Variants in MED13L observed in about 807,000 individuals in gnomAD.
MED13L encodes mediator complex subunit 13L.
Under a neutral mutation model 220.9 loss-of-function variants are expected in MED13L, and 7 were observed. The ratio of observed to expected loss-of-function variants is 0.03; its 90% CI spans 0.02 to 0.06. The LOEUF (loss-of-function observed/expected upper bound fraction) is 0.06, where lower values mean the gene tolerates loss of function less well. Ranked by LOEUF, MED13L falls within the 10% of genes least tolerant of loss-of-function variation. The pLI is 1.00. For synonymous variants in MED13L, 1,011 were observed against 1,015.2 expected (o/e 1.00, Z 0.08); for missense variants, 1,965 against 2,760.5 (o/e 0.71, Z 6.46).
At chr12:116,246,341 C>T (rs1871096159) in intron 1 of MED13L, among the ~76,000 whole-genome samples, 1 of 151,820 alleles carries the variant, frequency 6.6e-6, no homozygotes, top group African/African-American at 2.4e-5. Context: ...AAAATCATAA[C>T]GAATGATGAC....
At position 116,007,645 on chromosome 12, in the gene MED13L, C is replaced by CATA; in HGVS notation, c.2013-10_2013-9insTAT. ...TAGGTTGTGCTAAGAGTCTAAAAGA[C>CATA]AAAAAAAAAAAAAAAAAAAAGAGCA... On this transcript the variant is annotated splice_polypyrimidine_tract_variant and intron_variant, in intron 10 of 30. Transcript: ENST00000281928. 1.3e-6 allele frequency: 1 copy of CATA among 754,814 alleles called. No individual in the cohort carries two copies. The highest frequency in any genetic ancestry group is 2.4e-5 in the South Asian group (1 of 41,346). 46.8% of individuals were successfully genotyped at this position (754,814 alleles called of 1,614,324 possible).
chr12:116,152,093 A>C (rs1468704504), intron 2 of MED13L, among the ~76,000 whole-genome samples: 2 of 152,128 alleles, frequency 1.3e-5, no homozygotes, highest in Admixed American at 1.3e-4. Context: ...TCCTACATGG[A>C]AATATATTTG....
chr12:116,133,805 T>A (rs1876282686), intron 2 of MED13L, among the ~76,000 whole-genome samples: 1 of 152,136 alleles, frequency 6.6e-6, no homozygotes, highest in Admixed American at 6.5e-5. Context: ...CTCAGGAAGA[T>A]CACTTTTGGA....
chr12:116,123,423 A>T (rs1265324185), intron 2 of MED13L, among the ~76,000 whole-genome samples: 1 of 152,210 alleles, frequency 6.6e-6, no homozygotes, highest in Non-Finnish European at 1.5e-5. Flanking sequence ...GCTACAAATA[A>T]ACATTTTATA....
At chr12:116,146,602 C>T (rs938289618) in intron 2 of MED13L, among the ~76,000 whole-genome samples, 2 of 152,006 alleles carry the variant, frequency 1.3e-5, no homozygotes, top group South Asian at 2.1e-4. Context: ...TGGTGACTCA[C>T]GCTTGTAATC....
chr12:115,997,642 G>A lies in MED13L; in HGVS notation c.2570-412C>T, dbSNP rs377097973. On this transcript the variant is annotated intron_variant, in intron 14 of 30. Coordinates refer to ENST00000281928, the MANE Select transcript of MED13L (RefSeq NM_015335.5). ...TCACCATGTTGCCCAGGCTGGTCTCGAACTCCTGGGCTCAAGTGGCCCGCC... is the reference window on the plus strand; with the variant it reads ...TCACCATGTTGCCCAGGCTGGTCTCAAACTCCTGGGCTCAAGTGGCCCGCC... Among the ~76,000 whole-genome samples, 135 of 152,318 alleles carry A rather than the reference G, an allele frequency of 8.9e-4. 1 individual carries two copies. In the South Asian group the frequency reaches 0.012, roughly 14 times the overall value.
chr12:116,220,339 T>G (rs1883237843), intron 2 of MED13L, among the ~76,000 whole-genome samples: 1 of 152,228 alleles, frequency 6.6e-6, no homozygotes, highest in South Asian at 2.1e-4. Flanking sequence ...AAAACTATTA[T>G]TTACATAGCC....
intron 5 of MED13L, among the ~76,000 whole-genome samples, chr12:116,021,362 TTGGA>T (rs1880050470): frequency 3.3e-5 from 5 of 152,168 alleles, no homozygotes; most frequent in Admixed American, 3.3e-4. Flanking sequence ...TGATAAAATG[TTGGA>T]TGGAGTCAGA....
At chr12:116,182,369 T>C (rs895899004) in intron 2 of MED13L, among the ~76,000 whole-genome samples, 2 of 152,184 alleles carry the variant, frequency 1.3e-5, no homozygotes, top group African/African-American at 4.8e-5. Context: ...TCCCCACAAA[T>C]CTCTGACACT....
intron 3 of MED13L, among the ~76,000 whole-genome samples, chr12:116,099,320 T>A (rs1433987384): frequency 6.6e-6 from 1 of 152,230 alleles, no homozygotes; most frequent in African/African-American, 2.4e-5. Context: ...TTTAACGTGA[T>A]AATGCTTCTT....
intron 2 of MED13L, among the ~76,000 whole-genome samples, chr12:116,223,744 A>G (rs1003852215): frequency 6.6e-5 from 10 of 152,174 alleles, no homozygotes; most frequent in African/African-American, 2.2e-4. Context: ...AAAAGAGAAG[A>G]AAATTATATC....
intron 4 of MED13L, among the ~76,000 whole-genome samples, chr12:116,030,245 C>G (rs1426024826): frequency 1.3e-5 from 2 of 152,008 alleles, no homozygotes; most frequent in Non-Finnish European, 2.9e-5. Context: ...TCTACATATT[C>G]TTTAACAACA....
chr12:116,085,655 G>T (rs988723610), intron 4 of MED13L, among the ~76,000 whole-genome samples: 1 of 151,618 alleles, frequency 6.6e-6, no homozygotes, highest in Non-Finnish European at 1.5e-5. Context: ...TAAAATAAAT[G>T]ATTTTATATT....
At chr12:116,073,273 G>A (rs905561992) in intron 4 of MED13L, among the ~76,000 whole-genome samples, 5 of 152,040 alleles carry the variant, frequency 3.3e-5, no homozygotes, top group African/African-American at 9.7e-5. Context: ...TCTTTCTACT[G>A]AACTAGAAAA....
rs567808503 is a variant in MED13L at position 116,153,714 on chromosome 12, A to G, written c.311-42202T>C. 1.1e-4 allele frequency among the ~76,000 whole-genome samples: 17 copies of G among 152,270 alleles called. No individual in the cohort carries two copies. In the South Asian group the frequency reaches 3.5e-3, roughly 32 times the overall value. Reference sequence around the variant, plus strand: ...TACACACTTGCTTCTATTTTAACCCATTCCCCCTTACTGCAGGAAATTTTG... The same window carrying G: ...TACACACTTGCTTCTATTTTAACCCGTTCCCCCTTACTGCAGGAAATTTTG... On this transcript the variant is annotated intron_variant, in intron 2 of 30. Coordinates refer to ENST00000281928, the MANE Select transcript of MED13L (RefSeq NM_015335.5).
intron 10 of MED13L, 35 bp downstream of exon 10, chr12:116,008,366 G>A (rs373345154): frequency 3.6e-5 from 56 of 1,577,054 alleles, no homozygotes; most frequent in African/African-American, 2.4e-4. Flanking sequence ...ATGCCCTTCC[G>A]GTGGACGGGT....
chr12:116,149,253 T>C (rs1877837322), intron 2 of MED13L, among the ~76,000 whole-genome samples: 2 of 152,204 alleles, frequency 1.3e-5, no homozygotes, highest in Non-Finnish European at 1.5e-5. Context: ...ACTTCTCATA[T>C]TTTGTCATGT....
chr12:116,068,330 A>G (rs930185865), intron 4 of MED13L, among the ~76,000 whole-genome samples: 1 of 152,248 alleles, frequency 6.6e-6, no homozygotes, highest in Non-Finnish European at 1.5e-5. Flanking sequence ...AGTTTTCTTA[A>G]TAAGAGCTTT....
rs554474989 is a variant in MED13L at position 116,052,155 on chromosome 12, G to A, written c.480-29554C>T. 5.3e-5 allele frequency among the ~76,000 whole-genome samples: 8 copies of A among 151,970 alleles called. 1 individual carries two copies. Among genetic ancestry groups the A allele is most frequent in the East Asian group, 1.9e-4 (1 of 5,166 alleles). On this transcript the variant is annotated intron_variant, in intron 4 of 30. Transcript: ENST00000281928. ...AGCTAAGAAACACAAAAACAGTTTC[G>A]TAGTGTTAAATGACTTGGATAATGC...
Sources: gnomAD v4.1 joint callset for allele counts (sites outside exome capture counted in the v4.1 genomes callset) on GRCh38, gnomAD v4.1.1 for gene constraint, MANE v1.5 for transcripts, NCBI Gene and HGNC (gene_info 2026-07-23, HGNC 2026-07-21) for gene names.